LMLN: variants seen among roughly 807,000 people sequenced by gnomAD.
The protein encoded by LMLN is leishmanolysin-like peptidase.
LMLN carries 70 observed loss-of-function variants against 92.3 expected under a neutral mutation model. The observed-to-expected ratio is 0.76, with a 90% CI of 0.63 to 0.92. LMLN has a LOEUF of 0.92. LMLN is among the 40% of genes least tolerant of loss of function. LMLN has a pLI of 0.00. For missense variants in LMLN, 691 were observed against 814.6 expected (o/e 0.85, Z 1.85); for synonymous variants, 308 against 296.2 (o/e 1.04, Z -0.41).
chr3:198,011,384 T>C (rs1189832195), intron 11 of LMLN, among the ~76,000 whole-genome samples: 2 of 152,090 alleles, frequency 1.3e-5, no homozygotes, highest in Admixed American at 6.6e-5. Flanking sequence ...TTTGTTTTTT[T>C]GTCCTTGTGA....
intron 8 of LMLN, among the ~76,000 whole-genome samples, chr3:197,988,635 C>T (rs1721780988): frequency 6.6e-6 from 1 of 151,634 alleles, no homozygotes; most frequent in Non-Finnish European, 1.5e-5. Flanking sequence ...GCTGGGACTA[C>T]AGGAGTGTGC....
chr3:198,041,713 T>C (rs1158462821), exon 16 of LMLN: 1 of 152,162 alleles, frequency 6.6e-6, no homozygotes, highest in Non-Finnish European at 1.5e-5. Context: ...TTAAAGAAAC[T>C]TACAATAATC....
At position 197,969,733 on chromosome 3, in the gene LMLN, A is replaced by G. The variant is rs144720824; in HGVS notation, c.220-4644A>G. Among the ~76,000 whole-genome samples the G allele has an allele frequency of 1.7e-4, 26 of 152,334 alleles. No individual in the cohort carries two copies. In the East Asian group the frequency reaches 4.2e-3, roughly 25 times the overall value. On this transcript the variant is annotated intron_variant, in intron 1 of 15. Coordinates refer to ENST00000330198, the Ensembl canonical transcript of LMLN. ...TATATGTAGTGTACTTATGGTATCT[A>G]TTTAAAATAGTCATGTTAAATATGG...
At chr3:198,021,633 A>T in intron 13 of LMLN, 28 bp downstream of exon 14, 1 of 1,585,942 alleles carries the variant, frequency 6.3e-7, no homozygotes, top group Non-Finnish European at 8.6e-7. Context: ...ATGAAGTATT[A>T]TATACATATT....
intron 11 of LMLN, 82 bp downstream of exon 11, chr3:197,999,424 C>A (rs6605312): frequency 2.0e-6 from 2 of 989,082 alleles, no homozygotes; most frequent in Admixed American, 2.0e-5. Flanking sequence ...AAAATGCTGA[C>A]ATTTTATGCT....
chr3:198,042,390 A>G lies in LMLN; in HGVS notation c.*3723A>G, dbSNP rs969565394. 10 of 137,516 alleles carry G rather than the reference A, an allele frequency of 7.3e-5. No homozygotes were observed. Among genetic ancestry groups the G allele is most frequent in the East Asian group, 3.9e-4 (2 of 5,104 alleles). The allele number at this position is 137,516 out of a possible 1,614,324, so 8.5% of individuals were successfully genotyped here. ...GATGACAGAGTGAGACTTTCTTGGG[A>G]AAAAAAAAAATGACAGTGAAGCAGA... On this transcript the variant is annotated 3_prime_UTR_variant, in exon 16 of 16. Coordinates refer to ENST00000330198, the Ensembl canonical transcript of LMLN. The surrounding 1 kb of genome is among the most constrained non-coding windows in gnomAD (Gnocchi z 4.2).
chr3:198,038,694 T>C (rs772819288), exon 16 of LMLN: 12 of 1,502,502 alleles, frequency 8.0e-6, no homozygotes, highest in South Asian at 4.5e-5. Context: ...CTTCAAGATA[T>C]TCTTTTATGT....
At chr3:198,014,595 G>C (rs1264551166) in intron 11 of LMLN, among the ~76,000 whole-genome samples, 3 of 85,844 alleles carry the variant, frequency 3.5e-5, no homozygotes, top group African/African-American at 1.7e-4. Context: ...CCCCTAACTA[G>C]TCTGACTTCT....
At chr3:198,033,342 C>T (rs1049360979) in intron 14 of LMLN, among the ~76,000 whole-genome samples, 5 of 151,966 alleles carry the variant, frequency 3.3e-5, no homozygotes, top group African/African-American at 9.7e-5. Flanking sequence ...ATAAAATAGT[C>T]TGGTACTGTT....
intron 6 of LMLN, 151 bp downstream of exon 6, chr3:197,980,655 G>T (rs1721530691): frequency 1.5e-6 from 1 of 670,400 alleles, no homozygotes; most frequent in Admixed American, 2.9e-5. Context: ...TTGGAGTGGG[G>T]TTAGGAGACC....
In LMLN at chr3:198,002,931, C is replaced by G. The variant is rs984399346; in HGVS notation, c.1232+3589C>G. The G allele has an allele frequency of 1.9e-5, 14 of 750,644 alleles. No homozygotes were observed. The African/African-American group carries it at 2.1e-4, about 11-fold the overall frequency. 46.5% of individuals were successfully genotyped at this position (750,644 alleles called of 1,614,324 possible). On this transcript the variant is annotated intron_variant, in intron 11 of 15. Coordinates refer to ENST00000330198, the Ensembl canonical transcript of LMLN. ...ATCTTTCTTAAGGTCCTAATGTGCT[C>G]ATTGTTGAGATTCTCAATTGTTATG... is the stretch of plus-strand genomic sequence containing the variant.
chr3:197,974,795 C>T (rs535683855), intron 2 of LMLN, among the ~76,000 whole-genome samples: 1 of 152,296 alleles, frequency 6.6e-6, no homozygotes, highest in African/African-American at 2.4e-5. Context: ...ACTAGTGTTA[C>T]CAGAAAGAGG....
intron 9 of LMLN, among the ~76,000 whole-genome samples, chr3:197,993,196 G>T (rs1721924175): frequency 6.6e-6 from 1 of 152,048 alleles, no homozygotes; most frequent in Non-Finnish European, 1.5e-5. Context: ...GTGAAAAATG[G>T]AAAGCCTTTC....
In LMLN at chr3:198,010,315, C is replaced by T. The variant is rs139895295; in HGVS notation, c.1233-8938C>T. ...ACTACAGGTGCACACCACCACACCC[C>T]GCTAATTTTGTATTTTTTAGTAGGG... On this transcript the variant is annotated intron_variant, in intron 11 of 15. Transcript: ENST00000330198. Among the ~76,000 whole-genome samples, 38 of 151,630 alleles carry T rather than the reference C, an allele frequency of 2.5e-4. No homozygotes were observed. The East Asian group carries it at 6.0e-3, about 24-fold the overall frequency.
At position 197,999,185 on chromosome 3, in the gene LMLN, A is replaced by G. The variant is rs886728797; in HGVS notation, c.1156-81A>G. 4.2e-6 allele frequency: 4 copies of G among 954,098 alleles called. No homozygotes were observed. In the African/African-American group the frequency reaches 6.5e-5, roughly 15 times the overall value. The allele number at this position is 954,098 out of a possible 1,614,324, so 59.1% of individuals were successfully genotyped here. A position where few individuals can be genotyped will look rare whatever the true frequency, so the allele number is the denominator to read the frequency against. ...GCCTCTCACAGTTGAAACATTTTAAATATGTATATCAGAGGAATTGCAGAA... is the reference window on the plus strand; with the variant it reads ...GCCTCTCACAGTTGAAACATTTTAAGTATGTATATCAGAGGAATTGCAGAA... On this transcript the variant is annotated intron_variant, in intron 10 of 15. Coordinates refer to ENST00000330198, the Ensembl canonical transcript of LMLN.
At chr3:197,992,452 G>T (rs1383127106) in intron 9 of LMLN, among the ~76,000 whole-genome samples, 1 of 152,178 alleles carries the variant, frequency 6.6e-6, no homozygotes, top group Non-Finnish European at 1.5e-5. Context: ...TGAAAGAGGA[G>T]ACATTACAGC....
At chr3:197,997,212 C>G (rs769892631) in intron 10 of LMLN, among the ~76,000 whole-genome samples, 37 of 152,042 alleles carry the variant, frequency 2.4e-4, no homozygotes, top group Non-Finnish European at 4.7e-4. Flanking sequence ...TCACTGCAGC[C>G]TCAATCTCCT....
At chr3:198,029,719 G>GTTATTACTTCCCTAATGT (rs1483523754) in intron 14 of LMLN, among the ~76,000 whole-genome samples, 210 of 152,172 alleles carry the variant, frequency 1.4e-3, no homozygotes, top group African/African-American at 4.9e-3. Context: ...TAGAGCCTCT[G>GTTATTACTTCCCTAATGT]TTATTACTTC....
At position 198,019,453 on chromosome 3, in the gene LMLN, G is replaced by T; in HGVS notation, c.1365+68G>T. 1 of 1,447,800 alleles carries T rather than the reference G, an allele frequency of 6.9e-7. No individual in the cohort carries two copies. 89.7% of individuals were successfully genotyped at this position (1,447,800 alleles called of 1,614,324 possible). ...AAAGTAGTCTCCATTTTAACTAAAAGAGTAAATTCTCTTAAGATTCTTAAT... is the reference window on the plus strand; with the variant it reads ...AAAGTAGTCTCCATTTTAACTAAAATAGTAAATTCTCTTAAGATTCTTAAT... On this transcript the variant is annotated intron_variant, in intron 12 of 15. Transcript: ENST00000330198. This position sits in a 1 kb window ranked among gnomAD's most constrained non-coding sequence, Gnocchi z 5.5.
Sources: allele counts gnomAD v4.1 joint callset (sites outside exome capture counted in the v4.1 genomes callset), GRCh38; gene constraint gnomAD v4.1.1; non-coding constraint Gnocchi (gnomAD v3.1); transcripts MANE v1.5; gene names NCBI Gene and HGNC (gene_info 2026-07-23, HGNC 2026-07-21).